Variants in MEIS1 observed in about 807,000 individuals in gnomAD.
MEIS1 encodes the protein Meis homeobox 1.
Under a neutral mutation model 50.8 loss-of-function variants are expected in MEIS1, and 5 were observed. That is an observed-to-expected ratio of 0.10 (90% CI 0.05 to 0.21). MEIS1 has a LOEUF of 0.21. Ranked by LOEUF, MEIS1 falls within the 10% of genes least tolerant of loss-of-function variation. The pLI, the probability that MEIS1 is intolerant of heterozygous loss-of-function variation, is 1.00. For synonymous variants in MEIS1, 176 were observed against 179.3 expected (o/e 0.98, Z 0.15); for missense variants, 318 against 517.3 (o/e 0.61, Z 3.74).
chr2:66,560,652 C>T (rs1242613255), intron 9 of MEIS1, among the ~76,000 whole-genome samples: 1 of 151,588 alleles, frequency 6.6e-6, no homozygotes, highest in African/African-American at 2.4e-5. Flanking sequence ...CTGTGGTAGA[C>T]AATTTCAGTT....
intron 8 of MEIS1, among the ~76,000 whole-genome samples, chr2:66,536,094 C>G (rs1674510602): frequency 2.0e-5 from 3 of 152,096 alleles, no homozygotes; most frequent in Admixed American, 2.0e-4. Flanking sequence ...TCTTTTGCCT[C>G]TCTCACAGCT....
chr2:66,534,011 C>A (rs1353165026), intron 8 of MEIS1, among the ~76,000 whole-genome samples: 1 of 152,190 alleles, frequency 6.6e-6, no homozygotes, highest in Non-Finnish European at 1.5e-5. Context: ...TAAGAGTCAT[C>A]TCAGATTCAG....
At chr2:66,439,304 A>T in intron 2 of MEIS1, 2 of 1,119,554 alleles carry the variant, frequency 1.8e-6, no homozygotes, top group Non-Finnish European at 1.1e-6. Context: ...TGGGGTTGGG[A>T]TCCCTAGGTG....
At chr2:66,516,074 G>A (rs1174017461) in intron 8 of MEIS1, among the ~76,000 whole-genome samples, 1 of 152,166 alleles carries the variant, frequency 6.6e-6, no homozygotes, top group Non-Finnish European at 1.5e-5. Context: ...CAAAGGCTTA[G>A]TGAAAATGAA....
At chr2:66,565,923 A>G (rs1396940257) in intron 9 of MEIS1, among the ~76,000 whole-genome samples, 10 of 151,948 alleles carry the variant, frequency 6.6e-5, no homozygotes, top group African/African-American at 2.4e-4. Flanking sequence ...ATTTTTTTTC[A>G]TTTTAATTGG....
intron 8 of MEIS1, among the ~76,000 whole-genome samples, chr2:66,530,443 G>A (rs1014266726): frequency 2.0e-5 from 3 of 151,076 alleles, no homozygotes; most frequent in East Asian, 2.0e-4. Flanking sequence ...GGCCGGGTAC[G>A]GTGGCTCACG....
At chr2:66,440,795 C>G (rs1200939346) in intron 4 of MEIS1, 183 bp downstream of exon 4, 2 of 581,802 alleles carry the variant, frequency 3.4e-6, no homozygotes, top group Non-Finnish European at 6.1e-6. Flanking sequence ...GAAATAAATT[C>G]ATCTCGAGAG....
chr2:66,457,434 C>G (rs770123035), intron 6 of MEIS1, among the ~76,000 whole-genome samples: 1 of 152,152 alleles, frequency 6.6e-6, no homozygotes, highest in Non-Finnish European at 1.5e-5. Context: ...AAAGCCTTCT[C>G]AGCATCCCCA....
rs553138063 is a variant in MEIS1 at position 66,572,217 on chromosome 2, C to T, written c.*1009C>T. The T allele has an allele frequency of 2.0e-5, 3 of 152,202 alleles. No individual in the cohort carries two copies. The highest frequency in any genetic ancestry group is 7.2e-5 in the African/African-American group (3 of 41,426). 9.4% of individuals were successfully genotyped at this position (152,202 alleles called of 1,614,324 possible). ...GGAGGAGGCATGGAAACCAAAAGGC[C>T]GTGTGTTTAGAAGCCTAATTGTCAC... On this transcript the variant is annotated 3_prime_UTR_variant, in exon 13 of 13. Coordinates refer to ENST00000272369, the MANE Select transcript of MEIS1 (RefSeq NM_002398.3).
At chr2:66,496,122 TC>T (rs1470193375) in intron 7 of MEIS1, 12 of 152,420 alleles carry the variant, frequency 7.9e-5, no homozygotes, top group African/African-American at 2.4e-4. Context: ...GAAGACTAGA[TC>T]CAGAAGAGGA....
intron 7 of MEIS1, among the ~76,000 whole-genome samples, chr2:66,476,038 C>G (rs991618062): frequency 6.6e-6 from 1 of 152,144 alleles, no homozygotes; most frequent in Non-Finnish European, 1.5e-5. Context: ...CCAGTCTTTT[C>G]TCCCTCCATC....
At chr2:66,545,559 G>C (rs369663408) in intron 8 of MEIS1, among the ~76,000 whole-genome samples, 5 of 152,146 alleles carry the variant, frequency 3.3e-5, no homozygotes, top group African/African-American at 9.7e-5. Context: ...CAATCTAATA[G>C]AGTCACCTAT....
chr2:66,499,443 C>T (rs1673494808), intron 7 of MEIS1, among the ~76,000 whole-genome samples: 2 of 152,028 alleles, frequency 1.3e-5, no homozygotes, highest in African/African-American at 4.8e-5. Flanking sequence ...TCTCATCCCT[C>T]ATTCTCTATC....
chr2:66,568,993 T>C, intron 11 of MEIS1, 57 bp from the exon 12 acceptor site: 1 of 1,487,564 alleles, frequency 6.7e-7, no homozygotes, highest in Non-Finnish European at 9.4e-7. Context: ...CTTTTGGCAC[T>C]ATCTGTTGAC....
At chr2:66,565,624 G>A (rs1043903625) in intron 9 of MEIS1, among the ~76,000 whole-genome samples, 1 of 152,122 alleles carries the variant, frequency 6.6e-6, no homozygotes, top group Non-Finnish European at 1.5e-5. Context: ...ATTTCTCTGA[G>A]CCCAGGCTTC....
At chr2:66,483,598 C>T (rs990730946) in intron 7 of MEIS1, among the ~76,000 whole-genome samples, 1 of 152,116 alleles carries the variant, frequency 6.6e-6, no homozygotes, top group Non-Finnish European at 1.5e-5. Context: ...CTACTTTTAC[C>T]TGAGGAGGCA....
At chr2:66,440,028 G>A (rs369165634) in intron 3 of MEIS1, 44 bp downstream of exon 3, 1 of 1,541,012 alleles carries the variant, frequency 6.5e-7, no homozygotes, top group Non-Finnish European at 8.7e-7. Flanking sequence ...CAAAAAGAGA[G>A]CCCCCCCTTC....
chr2:66,462,128 C>T (rs17040135), intron 6 of MEIS1, among the ~76,000 whole-genome samples: 5,027 of 152,306 alleles, frequency 0.033, 285 homozygotes, highest in African/African-American at 0.12. Flanking sequence ...AGGAGGACAG[C>T]TTCCTGTATA....
chr2:66,499,947 C>T (rs562726463), intron 7 of MEIS1, among the ~76,000 whole-genome samples: 42 of 152,086 alleles, frequency 2.8e-4, no homozygotes, highest in Non-Finnish European at 5.6e-4. Flanking sequence ...TTTACACAGC[C>T]TGTTAAGCAT....
Sources: gnomAD v4.1 joint callset for allele counts (sites outside exome capture counted in the v4.1 genomes callset) on GRCh38, gnomAD v4.1.1 for gene constraint, MANE v1.5 for transcripts, NCBI Gene and HGNC (gene_info 2026-07-23, HGNC 2026-07-21) for gene names.